The following PLXNA4 variants were observed in gnomAD, a reference collection of about 807,000 sequenced individuals.
The protein encoded by PLXNA4 is plexin-A4.
Under a neutral mutation model 191.8 loss-of-function variants are expected in PLXNA4, and 44 were observed. That is an observed-to-expected ratio of 0.23 (90% CI 0.18 to 0.29). The LOEUF (loss-of-function observed/expected upper bound fraction) is 0.29. Ranked by LOEUF, PLXNA4 falls within the 10% of genes least tolerant of loss-of-function variation. PLXNA4 has a pLI of 1.00. For missense variants in PLXNA4, 1,800 were observed against 2,488.8 expected, an observed-to-expected ratio of 0.72 and a Z score of 5.89; for synonymous variants, 1,082 against 1,009.5, an observed-to-expected ratio of 1.07 and a Z score of -1.36.
At chr7:132,171,977 C>G (rs1471448011) in intron 21 of PLXNA4, among the ~76,000 whole-genome samples, 1 of 152,168 alleles carries the variant, frequency 6.6e-6, no homozygotes, top group Non-Finnish European at 1.5e-5. Context: ...TTCCAGGGAT[C>G]CCTTTCCTCC....
intron 25 of PLXNA4, among the ~76,000 whole-genome samples, chr7:132,156,135 TACACACACACACACACAC>T (rs57153762): frequency 3.6e-4 from 48 of 133,100 alleles, no homozygotes; most frequent in South Asian, 7.9e-4. Flanking sequence ...TTTCTGGACA[TACACACACACACACACAC>T]ACACACACAC....
At chr7:132,479,696 C>T (rs1330490440) in intron 3 of PLXNA4, among the ~76,000 whole-genome samples, 3 of 152,206 alleles carry the variant, frequency 2.0e-5, no homozygotes, top group African/African-American at 7.2e-5. Context: ...GTTGCCCAGG[C>T]TGGGGTGCAA....
chr7:132,461,457 G>T lies in PLXNA4; in HGVS notation c.1371+27835C>A, dbSNP rs1252695985. Among the ~76,000 whole-genome samples the T allele has an allele frequency of 2.0e-5, 3 of 152,154 alleles. No individual in the cohort carries two copies. In the East Asian group the frequency reaches 5.8e-4, roughly 29 times the overall value. ...AGACACCCCAGTATGTACATACAAG[G>T]AGCCCTCCAAAGAGAAAACATCACA... On this transcript the variant is annotated intron_variant, in intron 3 of 31. Transcript: ENST00000321063.
At chr7:132,597,552 A>C (rs1802733691) in intron 2 of PLXNA4, among the ~76,000 whole-genome samples, 1 of 151,550 alleles carries the variant, frequency 6.6e-6, no homozygotes, top group Non-Finnish European at 1.5e-5. Context: ...TGACACATTC[A>C]ATCATGCATC....
intron 21 of PLXNA4, among the ~76,000 whole-genome samples, chr7:132,171,891 A>G (rs930619628): frequency 3.0e-4 from 46 of 152,216 alleles, no homozygotes; most frequent in African/African-American, 1.1e-3. Flanking sequence ...TAATGTATGT[A>G]AAGTGCTTGG....
intron 2 of PLXNA4, among the ~76,000 whole-genome samples, chr7:132,595,762 A>G (rs1802698955): frequency 6.6e-6 from 1 of 152,164 alleles, no homozygotes; most frequent in African/African-American, 2.4e-5. Flanking sequence ...GTTGCTTCAA[A>G]TGTATATAAA....
intron 1 of PLXNA4, among the ~76,000 whole-genome samples, chr7:132,515,815 C>A (rs944037662): frequency 2.0e-5 from 3 of 152,186 alleles, no homozygotes; most frequent in Non-Finnish European, 4.4e-5. Flanking sequence ...GTCTAAGATG[C>A]CCCTACTATA....
intron 4 of PLXNA4, among the ~76,000 whole-genome samples, chr7:132,245,614 C>G (rs546628908): frequency 1.1e-4 from 17 of 152,174 alleles, no homozygotes; most frequent in Non-Finnish European, 2.4e-4. Flanking sequence ...AGCAGGATCT[C>G]AAAGAGACAT....
At chr7:132,383,037 G>A (rs1033840219) in intron 3 of PLXNA4, among the ~76,000 whole-genome samples, 4 of 152,252 alleles carry the variant, frequency 2.6e-5, no homozygotes, top group Admixed American at 2.6e-4. Context: ...TTAGTTCAAA[G>A]CAGGGTGCAT....
chr7:132,183,766 G>T (rs1796788185), intron 16 of PLXNA4, among the ~76,000 whole-genome samples: 1 of 152,198 alleles, frequency 6.6e-6, no homozygotes, highest in Non-Finnish European at 1.5e-5. Context: ...GAAGGTTTGG[G>T]CCTGATAGAG....
intron 3 of PLXNA4, among the ~76,000 whole-genome samples, chr7:132,466,579 C>T (rs751300359): frequency 1.4e-4 from 21 of 152,218 alleles, no homozygotes; most frequent in Non-Finnish European, 2.2e-4. Flanking sequence ...ACCCCCTTCA[C>T]GCTGAGCCCC....
At chr7:132,286,418 G>A (rs942546374) in intron 4 of PLXNA4, among the ~76,000 whole-genome samples, 2 of 152,170 alleles carry the variant, frequency 1.3e-5, no homozygotes, top group Non-Finnish European at 2.9e-5. Flanking sequence ...AAAGTAACAG[G>A]ACACCGGCGC....
intron 1 of PLXNA4, among the ~76,000 whole-genome samples, chr7:132,558,254 T>A (rs566813691): frequency 5.9e-5 from 9 of 152,152 alleles, no homozygotes; most frequent in Non-Finnish European, 7.3e-5. Context: ...AAATATAAGT[T>A]TTAGGTGAAA....
At chr7:132,489,640 G>T (rs1034055887) in intron 2 of PLXNA4, among the ~76,000 whole-genome samples, 166 bp from the exon 3 acceptor site, 1 of 152,178 alleles carries the variant, frequency 6.6e-6, no homozygotes, top group Non-Finnish European at 1.5e-5. Context: ...TAGGTGACCT[G>T]TGAAGAGTCA....
intron 3 of PLXNA4, among the ~76,000 whole-genome samples, chr7:132,478,562 T>C (rs1232568218): frequency 6.6e-6 from 1 of 152,172 alleles, no homozygotes; most frequent in Non-Finnish European, 1.5e-5. Flanking sequence ...TTATAGATTT[T>C]TAAAGGTAGA....
intron 8 of PLXNA4, among the ~76,000 whole-genome samples, 182 bp from the exon 9 acceptor site, chr7:132,223,823 G>C (rs191237721): frequency 6.6e-6 from 1 of 152,240 alleles, no homozygotes; most frequent in African/African-American, 2.4e-5. Context: ...GGAAGCTAAT[G>C]GTCTCTGGTT....
At chr7:132,309,443 T>C (rs1489443395) in intron 3 of PLXNA4, among the ~76,000 whole-genome samples, 1 of 152,102 alleles carries the variant, frequency 6.6e-6, no homozygotes, top group Non-Finnish European at 1.5e-5. Flanking sequence ...CGTCAGCTCC[T>C]CATCCACACG....
Position 132,576,442 on chromosome 7 carries a change from T to C in PLXNA4, c.-107A>G. ...CTTACCTGGACGCGCCGCGTTTCCC[T>C]CCTTCAGCGGGAGCGCCGCATTGAC... On this transcript the variant is annotated 5_prime_UTR_variant, in exon 1 of 32. Coordinates refer to ENST00000321063, the MANE Select transcript of PLXNA4 (RefSeq NM_020911.2). The surrounding 1 kb of genome is among the most constrained non-coding windows in gnomAD (Gnocchi z 5.8). 1 of 985,316 alleles carries C rather than the reference T, an allele frequency of 1.0e-6. No individual in the cohort carries two copies. The highest frequency in any genetic ancestry group is 1.2e-6 in the Non-Finnish European group (1 of 829,864). 61.0% of individuals were successfully genotyped at this position (985,316 alleles called of 1,614,324 possible). A position where few individuals can be genotyped will look rare whatever the true frequency, so the allele number is the denominator to read the frequency against.
At chr7:132,334,825 C>T (rs1021895433) in intron 3 of PLXNA4, among the ~76,000 whole-genome samples, 2 of 152,204 alleles carry the variant, frequency 1.3e-5, no homozygotes, top group African/African-American at 2.4e-5. Context: ...CCCAGAACAT[C>T]GGCATTGAAT....
Sources: gnomAD v4.1 joint callset for allele counts (sites outside exome capture counted in the v4.1 genomes callset) on GRCh38, gnomAD v4.1.1 for gene constraint, Gnocchi (gnomAD v3.1) non-coding constraint, MANE v1.5 for transcripts, NCBI Gene and HGNC (gene_info 2026-07-23, HGNC 2026-07-21) for gene names.